The following LRRC4C variants were observed in gnomAD, a reference collection of about 807,000 sequenced individuals.
LRRC4C encodes the protein leucine-rich repeat-containing protein 4C.
A neutral mutation model predicts 33.6 loss-of-function variants in LRRC4C; 5 were observed. The observed-to-expected ratio is 0.15, with a 90% CI of 0.08 to 0.31. The LOEUF (loss-of-function observed/expected upper bound fraction) is 0.31, where lower values mean the gene tolerates loss of function less well. Ranked by LOEUF, LRRC4C falls within the 10% of genes least tolerant of loss-of-function variation. The pLI is 1.00. For synonymous variants in LRRC4C, 329 were observed against 302.0 expected (o/e 1.09, Z -0.93); for missense variants, 560 against 796.7 (o/e 0.70, Z 3.58).
intron 1 of LRRC4C, among the ~76,000 whole-genome samples, chr11:40,979,143 T>G (rs1244119061): frequency 6.6e-6 from 1 of 152,160 alleles, no homozygotes; most frequent in East Asian, 1.9e-4. Context: ...TCCTGAATTC[T>G]CATACTAGGC....
chr11:41,243,793 A>G (rs948136334), intron 1 of LRRC4C, among the ~76,000 whole-genome samples: 2 of 152,258 alleles, frequency 1.3e-5, no homozygotes, highest in East Asian at 1.9e-4. Flanking sequence ...CTAGACCACT[A>G]ACTTCTGGGC....
At chr11:41,064,501 T>C (rs2135385106) in intron 1 of LRRC4C, among the ~76,000 whole-genome samples, 2 of 152,340 alleles carry the variant, frequency 1.3e-5, no homozygotes, top group Admixed American at 1.3e-4. Flanking sequence ...CAGCTGAACA[T>C]AGCAAGCCAT....
chr11:41,082,232 C>G (rs555600247), intron 1 of LRRC4C, among the ~76,000 whole-genome samples: 1 of 152,294 alleles, frequency 6.6e-6, no homozygotes, highest in South Asian at 2.1e-4. Context: ...AAACGCATCT[C>G]AGAGACACGA....
At chr11:40,452,194 C>G (rs1393772910) in intron 3 of LRRC4C, among the ~76,000 whole-genome samples, 1 of 152,100 alleles carries the variant, frequency 6.6e-6, no homozygotes, top group Non-Finnish European at 1.5e-5. Flanking sequence ...TCTCATTAAA[C>G]TAAAGAGCTT....
intron 1 of LRRC4C, among the ~76,000 whole-genome samples, chr11:41,201,731 A>G (rs1337098567): frequency 1.3e-5 from 2 of 152,184 alleles, no homozygotes; most frequent in Non-Finnish European, 2.9e-5. Flanking sequence ...AAGATTTTAC[A>G]TAGATTTTCT....
intron 3 of LRRC4C, among the ~76,000 whole-genome samples, chr11:40,385,654 G>C (rs1159135338): frequency 6.6e-6 from 1 of 151,854 alleles, no homozygotes; most frequent in Non-Finnish European, 1.5e-5. Flanking sequence ...AGATGAGGAG[G>C]CCAAGAGATC....
chr11:40,534,774 A>G (rs561796864), intron 3 of LRRC4C, among the ~76,000 whole-genome samples: 34 of 152,324 alleles, frequency 2.2e-4, no homozygotes, highest in African/African-American at 7.9e-4. Flanking sequence ...TTTTGGTTTT[A>G]GGGCAAATTG....
chr11:40,757,139 T>C (rs79165619), intron 2 of LRRC4C, among the ~76,000 whole-genome samples: 52 of 152,214 alleles, frequency 3.4e-4, no homozygotes, highest in African/African-American at 1.2e-3. Context: ...TTGTCACTTA[T>C]TTATTCTACC....
chr11:40,881,050 T>C (rs544351811), intron 2 of LRRC4C, among the ~76,000 whole-genome samples: 1 of 152,084 alleles, frequency 6.6e-6, no homozygotes, highest in East Asian at 1.9e-4. Flanking sequence ...TGAAATTATT[T>C]CAGTTACATA....
intron 2 of LRRC4C, among the ~76,000 whole-genome samples, chr11:40,653,755 C>A (rs1172781091): frequency 6.6e-6 from 1 of 152,184 alleles, no homozygotes; most frequent in Non-Finnish European, 1.5e-5. Flanking sequence ...GAGCCAAATA[C>A]TAATCACCAA....
At chr11:40,586,991 G>C (rs1212522129) in intron 3 of LRRC4C, among the ~76,000 whole-genome samples, 1 of 151,896 alleles carries the variant, frequency 6.6e-6, no homozygotes, top group East Asian at 1.9e-4. Flanking sequence ...CTTTAAAGTA[G>C]TTTTTTCCAA....
At chr11:41,415,985 C>A (rs1330204523) in intron 1 of LRRC4C, among the ~76,000 whole-genome samples, 2 of 152,016 alleles carry the variant, frequency 1.3e-5, no homozygotes, top group Non-Finnish European at 2.9e-5. Context: ...TCCTCTCTCT[C>A]TCTCTTTGAG....
chr11:40,225,587 G>A (rs894943929), intron 5 of LRRC4C, among the ~76,000 whole-genome samples: 5 of 150,456 alleles, frequency 3.3e-5, no homozygotes, highest in Admixed American at 6.6e-5. Flanking sequence ...CACAGCAAAC[G>A]CCCAATATAT....
chr11:40,718,359 A>G (rs1946836597), intron 2 of LRRC4C, among the ~76,000 whole-genome samples: 1 of 152,190 alleles, frequency 6.6e-6, no homozygotes, highest in Non-Finnish European at 1.5e-5. Context: ...TCCATCCCCA[A>G]ATGAAAATAA....
chr11:40,825,667 C>T (rs1282728667), intron 2 of LRRC4C, among the ~76,000 whole-genome samples: 1 of 151,864 alleles, frequency 6.6e-6, no homozygotes, highest in Non-Finnish European at 1.5e-5. Context: ...ATTTTTCCCA[C>T]CTTCATTTCC....
intron 6 of LRRC4C, among the ~76,000 whole-genome samples, chr11:40,137,164 G>T (rs1333502345): frequency 8.6e-5 from 7 of 81,530 alleles, no homozygotes; most frequent in Admixed American, 7.3e-4. Context: ...ACGTGGGCAC[G>T]TGTGTGTGTG....
intron 3 of LRRC4C, among the ~76,000 whole-genome samples, chr11:40,502,519 A>G (rs1344604336): frequency 6.6e-6 from 1 of 152,206 alleles, no homozygotes; most frequent in South Asian, 2.1e-4. Context: ...AGAATGAGGC[A>G]GAAGTGAAAG....
intron 1 of LRRC4C, among the ~76,000 whole-genome samples, chr11:41,192,887 A>G (rs1946022010): frequency 6.6e-6 from 1 of 152,172 alleles, no homozygotes; most frequent in Non-Finnish European, 1.5e-5. Context: ...GAGGCAGCCC[A>G]TAAGTCCCGA....
intron 3 of LRRC4C, among the ~76,000 whole-genome samples, chr11:40,612,953 A>C (rs764422375): frequency 2.0e-5 from 3 of 151,940 alleles, no homozygotes; most frequent in Non-Finnish European, 4.4e-5. Context: ...GACATTATGC[A>C]TTAAAAAATA....
Sources: gnomAD v4.1 joint callset for allele counts (sites outside exome capture counted in the v4.1 genomes callset) on GRCh38, gnomAD v4.1.1 for gene constraint, MANE v1.5 for transcripts, NCBI Gene and HGNC (gene_info 2026-07-23, HGNC 2026-07-21) for gene names.